Variants in ASTN2 observed in about 807,000 individuals in gnomAD.
The protein encoded by ASTN2 is astrotactin 2.
In ASTN2, 54 loss-of-function variants were observed where a neutral mutation model predicts 139.8. The observed-to-expected ratio is 0.39, with a 90% CI of 0.31 to 0.48. The LOEUF is 0.48. ASTN2 is among the 20% of genes least tolerant of loss of function. The pLI is 0.95. For missense variants in ASTN2, 1,565 were observed against 1,725.1 expected (o/e 0.91, Z 1.64); for synonymous variants, 756 against 719.5 (o/e 1.05, Z -0.81).
At chr9:116,837,212 G>A (rs1265561649) in intron 11 of ASTN2, among the ~76,000 whole-genome samples, 7 of 152,190 alleles carry the variant, frequency 4.6e-5, no homozygotes, top group Non-Finnish European at 1.0e-4. Flanking sequence ...GAAAGGGAGT[G>A]AGTCAGCCTA....
At chr9:117,032,546 T>TAC (rs1838277098) in intron 6 of ASTN2, among the ~76,000 whole-genome samples, 1 of 152,182 alleles carries the variant, frequency 6.6e-6, no homozygotes, top group Non-Finnish European at 1.5e-5. Context: ...AGGATCCACT[T>TAC]ACAATGTGGT....
At chr9:116,599,597 C>T (rs1390982859) in intron 19 of ASTN2, among the ~76,000 whole-genome samples, 1 of 152,072 alleles carries the variant, frequency 6.6e-6, no homozygotes, top group Non-Finnish European at 1.5e-5. Flanking sequence ...CTGGTATGGA[C>T]AGATATGACT....
At chr9:117,211,933 A>G (rs1471227768) in intron 3 of ASTN2, among the ~76,000 whole-genome samples, 1 of 52,852 alleles carries the variant, frequency 1.9e-5, no homozygotes, top group African/African-American at 6.2e-5. Flanking sequence ...AAGACCTCCC[A>G]TGCTCATGCA....
At chr9:117,253,759 G>A (rs1833605169) in intron 2 of ASTN2, among the ~76,000 whole-genome samples, 1 of 152,162 alleles carries the variant, frequency 6.6e-6, no homozygotes, top group African/African-American at 2.4e-5. Context: ...AACAGGAGCT[G>A]GGGCAGAATT....
intron 19 of ASTN2, among the ~76,000 whole-genome samples, chr9:116,578,173 T>C (rs1201287002): frequency 3.9e-5 from 6 of 152,046 alleles, no homozygotes; most frequent in African/African-American, 1.2e-4. Flanking sequence ...AGAAGAGCAA[T>C]GATGAGGACA....
At chr9:116,588,658 T>TATC (rs386416024) in intron 19 of ASTN2, among the ~76,000 whole-genome samples, 2 of 151,958 alleles carry the variant, frequency 1.3e-5, no homozygotes, top group Non-Finnish European at 2.9e-5. Context: ...TTTAGAATAT[T>TATC]ATGCTGGAAC....
intron 10 of ASTN2, among the ~76,000 whole-genome samples, chr9:116,917,132 T>A (rs1834471262): frequency 6.6e-6 from 1 of 152,102 alleles, no homozygotes; most frequent in East Asian, 1.9e-4. Context: ...CCCCAAGAGC[T>A]TTTTCTCACC....
At chr9:116,750,753 TA>T (rs1293794567) in intron 13 of ASTN2, among the ~76,000 whole-genome samples, 2 of 152,184 alleles carry the variant, frequency 1.3e-5, no homozygotes, top group Non-Finnish European at 2.9e-5. Context: ...AAGCAGAACC[TA>T]GCTAGTGTGG....
chr9:116,626,817 A>C (rs919878044), intron 17 of ASTN2, among the ~76,000 whole-genome samples: 3 of 152,178 alleles, frequency 2.0e-5, no homozygotes, highest in Non-Finnish European at 4.4e-5. Context: ...TGATGAACAC[A>C]GGAAGGATTG....
intron 5 of ASTN2, among the ~76,000 whole-genome samples, chr9:117,093,525 T>A (rs1828758604): frequency 6.6e-6 from 1 of 152,180 alleles, no homozygotes. Context: ...TGCTCTTATA[T>A]CACCAAGGGC....
At chr9:117,389,855 C>T (rs202233130) in intron 1 of ASTN2, among the ~76,000 whole-genome samples, 27 of 129,608 alleles carry the variant, frequency 2.1e-4, no homozygotes, top group Non-Finnish European at 4.4e-4. Flanking sequence ...TACTGAGTGA[C>T]AAAAAAAAAA....
intron 2 of ASTN2, among the ~76,000 whole-genome samples, chr9:117,220,999 T>C (rs1043774395): frequency 2.6e-5 from 4 of 152,190 alleles, no homozygotes; most frequent in Admixed American, 1.3e-4. Flanking sequence ...GAGTTGCCAT[T>C]TACCTCTACC....
intron 22 of ASTN2, among the ~76,000 whole-genome samples, chr9:116,430,191 T>G (rs1306069702): frequency 6.6e-6 from 1 of 152,230 alleles, no homozygotes; most frequent in Non-Finnish European, 1.5e-5. Context: ...TCTTCCAACA[T>G]GCCCAAATGC....
chr9:116,654,144 C>CCACGCTCTGGCCTAGGTCAA (rs1858079166), intron 16 of ASTN2, among the ~76,000 whole-genome samples: 1 of 152,134 alleles, frequency 6.6e-6, no homozygotes, highest in Non-Finnish European at 1.5e-5. Flanking sequence ...ACTCATTAGC[C>CCACGCTCTGGCCTAGGTCAA]CACGCTCTGG....
Position 117,200,932 on chromosome 9 carries a change from G to A in ASTN2, c.1015+13426C>T, listed in dbSNP as rs530638228. Among the ~76,000 whole-genome samples, 598 of 150,720 alleles carry A rather than the reference G, an allele frequency of 4.0e-3. 6 individuals are homozygous for A. Among genetic ancestry groups the A allele is most frequent in the Non-Finnish European group, 6.4e-3 (435 of 67,820 alleles). ...CAATTGTTTGGAATAGTTTCAGAAG[G>A]AATGGTACCAGCTCCTCTTTGTATT... On this transcript the variant is annotated intron_variant, in intron 3 of 22. Coordinates refer to ENST00000313400, the MANE Select transcript of ASTN2 (RefSeq NM_001365068.1).
intron 5 of ASTN2, among the ~76,000 whole-genome samples, chr9:117,092,608 T>G (rs779172116): frequency 2.6e-5 from 4 of 152,178 alleles, no homozygotes; most frequent in Non-Finnish European, 4.4e-5. Context: ...AGACCTGAAA[T>G]GGTTACAGTG....
At chr9:116,928,134 A>T (rs1834806339) in intron 10 of ASTN2, among the ~76,000 whole-genome samples, 1 of 152,098 alleles carries the variant, frequency 6.6e-6, no homozygotes, top group Admixed American at 6.6e-5. Flanking sequence ...ACGACCATTT[A>T]CTCAATACCT....
chr9:117,060,336 AAGAAAGAGAGAAAGAAAGAAAG>A (rs1839211367), intron 5 of ASTN2, among the ~76,000 whole-genome samples: 1 of 80,774 alleles, frequency 1.2e-5, no homozygotes, highest in South Asian at 4.9e-4. Context: ...GAAAGAAAGA[AAGAAAGAGAGAAAGAAAGAAAG>A]AAAGAAAGAA....
At position 116,617,383 on chromosome 9, in the gene ASTN2, T is replaced by C. The variant is rs111522318; in HGVS notation, c.3355+941A>G. On this transcript the variant is annotated intron_variant, in intron 19 of 22. Transcript: ENST00000313400. ...CATATTTGAATGCCAGACTTTGTGA[T>C]AGGTGTTGGAAATTTAACTATGACT... 4.9e-3 allele frequency among the ~76,000 whole-genome samples: 739 copies of C among 152,308 alleles called. 1 individual carries two copies. Among genetic ancestry groups the C allele is most frequent in the South Asian group, 0.012 (60 of 4,822 alleles).
Sources: allele counts gnomAD v4.1 joint callset (sites outside exome capture counted in the v4.1 genomes callset), GRCh38; gene constraint gnomAD v4.1.1; transcripts MANE v1.5; gene names NCBI Gene and HGNC (gene_info 2026-07-23, HGNC 2026-07-21).